The following OC90 variants were observed in gnomAD, a reference collection of about 807,000 sequenced individuals.
OC90 encodes otoconin 90.
A neutral mutation model predicts 47.3 loss-of-function variants in OC90; 46 were observed. The ratio of observed to expected loss-of-function variants is 0.97; its 90% CI spans 0.77 to 1.24. The LOEUF is 1.24. Ranked by LOEUF, OC90 falls within the 50% of genes most tolerant of loss-of-function variation. OC90 has a pLI of 0.00. For missense variants in OC90, 688 were observed against 583.9 expected, an observed-to-expected ratio of 1.18 and a Z score of -1.84; for synonymous variants, 271 against 219.5, an observed-to-expected ratio of 1.23 and a Z score of -2.07.
intron 9 of OC90, among the ~76,000 whole-genome samples, chr8:132,035,516 C>T (rs1172277161): frequency 6.6e-6 from 1 of 152,192 alleles, no homozygotes; most frequent in East Asian, 1.9e-4. Flanking sequence ...TCACTTCTGG[C>T]TGTGCCACAC....
At chr8:132,057,260 T>C (rs186378915) in intron 1 of OC90, among the ~76,000 whole-genome samples, 42 of 152,300 alleles carry the variant, frequency 2.8e-4, no homozygotes, top group Admixed American at 2.0e-3. Flanking sequence ...AGGCCCTGTC[T>C]GGTGAATGAA....
At chr8:132,042,156 C>G (rs2130859060) in intron 4 of OC90, among the ~76,000 whole-genome samples, 1 of 151,858 alleles carries the variant, frequency 6.6e-6, no homozygotes, top group South Asian at 2.1e-4. Context: ...TTTTTTCTAC[C>G]TTGAATGTGG....
chr8:132,058,913 T>G (rs923197722), intron 1 of OC90, among the ~76,000 whole-genome samples: 1 of 152,026 alleles, frequency 6.6e-6, no homozygotes, highest in African/African-American at 2.4e-5. Flanking sequence ...TCAGAGCAAT[T>G]TGGGTTTTCA....
intron 9 of OC90, among the ~76,000 whole-genome samples, 154 bp downstream of exon 9, chr8:132,037,284 G>C (rs1264767991): frequency 1.3e-5 from 2 of 152,212 alleles, no homozygotes; most frequent in Non-Finnish European, 2.9e-5. Context: ...ATTGGATCAT[G>C]GGGATGGATT....
chr8:132,041,377 G>A (rs1823050182), intron 5 of OC90, 148 bp downstream of exon 5: 1 of 690,934 alleles, frequency 1.4e-6, no homozygotes. Context: ...GTAAAGATGA[G>A]TCACCCAACT....
intron 13 of OC90, among the ~76,000 whole-genome samples, chr8:132,026,040 G>A (rs11986434): frequency 0.028 from 4,191 of 152,146 alleles, 189 homozygotes; most frequent in African/African-American, 0.093. Context: ...CAGTTAATAC[G>A]TTTGAATGTA....
chr8:132,043,548 G>T (rs763479358), intron 4 of OC90, among the ~76,000 whole-genome samples: 1 of 152,122 alleles, frequency 6.6e-6, no homozygotes, highest in Non-Finnish European at 1.5e-5. Context: ...GTGCTGCATG[G>T]GTTACCCCTC....
At chr8:132,028,626 G>A (rs1563727559) in intron 13 of OC90, among the ~76,000 whole-genome samples, 1 of 108,212 alleles carries the variant, frequency 9.2e-6, no homozygotes, top group African/African-American at 3.5e-5. Flanking sequence ...AGGAAGGAAG[G>A]AAGGAAGGAA....
intron 2 of OC90, among the ~76,000 whole-genome samples, chr8:132,053,194 C>T (rs1823239576): frequency 6.6e-6 from 1 of 152,164 alleles, no homozygotes; most frequent in Non-Finnish European, 1.5e-5. Context: ...AGGGATGCTG[C>T]CCCTGTGCTA....
rs1378665739 is a variant in OC90, at chr8:132,041,600, C to T, written c.269G>A (p.Cys90Tyr). The T allele has an allele frequency of 1.2e-6, 2 of 1,612,682 alleles. No individual in the cohort carries two copies. Among genetic ancestry groups the T allele is most frequent in the Non-Finnish European group, 1.7e-6 (2 of 1,179,544 alleles). ...VNGMKCVAGLCPRDFEDYGCT... is the reference protein window; with the variant it reads ...VNGMKCVAGLYPRDFEDYGCT... ...ACCATAGTCTTCAAAGTCTCGGGGG[C>T]AGAGACCAGCCACACACTTCATACC... Residue 90 changes from cysteine to tyrosine, a missense_variant, in exon 5 of 14, where the codon TGC (cysteine) becomes TAC (tyrosine). Cys to Tyr is a radical substitution (Grantham distance 194, BLOSUM62 -2). Transcript: ENST00000254627.
intron 9 of OC90, among the ~76,000 whole-genome samples, chr8:132,036,985 C>T (rs745963248): frequency 1.9e-4 from 29 of 152,180 alleles, no homozygotes; most frequent in Admixed American, 3.3e-4. Flanking sequence ...ATCCTTATGC[C>T]ACTCTAAAGG....
At chr8:132,040,786 GT>G (rs1344447851) in intron 6 of OC90, among the ~76,000 whole-genome samples, 74 of 152,228 alleles carry the variant, frequency 4.9e-4, no homozygotes, top group Non-Finnish European at 7.3e-5. Flanking sequence ...TCTCAGGGTT[GT>G]ACAAGTATAA....
intron 13 of OC90, among the ~76,000 whole-genome samples, chr8:132,028,743 G>T (rs1329052396): frequency 7.1e-6 from 1 of 141,498 alleles, no homozygotes; most frequent in Non-Finnish European, 1.5e-5. Context: ...AGAAAGGAAG[G>T]AAGAAAGGAA....
At chr8:132,025,027 A>G (rs1822735548) in intron 13 of OC90, among the ~76,000 whole-genome samples, 1 of 152,220 alleles carries the variant, frequency 6.6e-6, no homozygotes, top group African/African-American at 2.4e-5. Flanking sequence ...TCCTCCAGAA[A>G]GTTTGCCTGA....
At chr8:132,046,287 A>G (rs1350689013) in intron 2 of OC90, among the ~76,000 whole-genome samples, 1 of 152,170 alleles carries the variant, frequency 6.6e-6, no homozygotes, top group Non-Finnish European at 1.5e-5. Flanking sequence ...ATAGAGAATA[A>G]GGGTTTTCCC....
Position 132,028,971 on chromosome 8 carries a change from A to G in OC90, c.1138+102T>C, listed in dbSNP as rs1310578224. 1.4e-5 allele frequency: 11 copies of G among 780,712 alleles called. No homozygotes were observed. The East Asian group carries it at 1.5e-4, about 11-fold the overall frequency. 48.4% of individuals were successfully genotyped at this position (780,712 alleles called of 1,614,324 possible). Reference sequence around the variant, plus strand: ...AGAAAGAAAGAAGAAAAGAGTATTAAGTCACAGTTAAGTGCTTGGGAAACC... The same window carrying G: ...AGAAAGAAAGAAGAAAAGAGTATTAGGTCACAGTTAAGTGCTTGGGAAACC... On this transcript the variant is annotated intron_variant, in intron 13 of 13. Coordinates refer to ENST00000254627, the MANE Select transcript of OC90 (RefSeq NM_001080399.3).
intron 1 of OC90, among the ~76,000 whole-genome samples, chr8:132,055,991 G>A (rs896723436): frequency 1.3e-5 from 2 of 152,168 alleles, no homozygotes; most frequent in African/African-American, 2.4e-5. Flanking sequence ...ATGTAAATAC[G>A]GTTGGTTGTC....
chr8:132,027,831 C>T (rs866699695), intron 13 of OC90, among the ~76,000 whole-genome samples: 1 of 152,126 alleles, frequency 6.6e-6, no homozygotes, highest in African/African-American at 2.4e-5. Flanking sequence ...CTCAAGTCTT[C>T]CTTGGGAAAA....
At position 132,058,811 on chromosome 8, in the gene OC90, A is replaced by G. The variant is rs2130867827; in HGVS notation, c.-48+530T>C. ...GCGGGGTCATTGCCCAGGGCTATGT[A>G]GGATCCTCACTAATGTGAAGTGGTG... On this transcript the variant is annotated intron_variant, in intron 1 of 13. Coordinates refer to ENST00000254627, the MANE Select transcript of OC90 (RefSeq NM_001080399.3). 2.0e-5 allele frequency among the ~76,000 whole-genome samples: 3 copies of G among 152,198 alleles called. No individual in the cohort carries two copies. In the Middle Eastern group the frequency reaches 0.01, roughly 518 times the overall value.
Sources: allele counts gnomAD v4.1 joint callset (sites outside exome capture counted in the v4.1 genomes callset), GRCh38; gene constraint gnomAD v4.1.1; transcripts MANE v1.5; gene names NCBI Gene and HGNC (gene_info 2026-07-23, HGNC 2026-07-21).